Variants in KIAA1328 observed in about 807,000 individuals in gnomAD.
The protein encoded by KIAA1328 is protein hinderin.
KIAA1328 carries 52 observed loss-of-function variants against 68.1 expected under a neutral mutation model. That is an observed-to-expected ratio of 0.76 (90% CI 0.61 to 0.96). The LOEUF (loss-of-function observed/expected upper bound fraction) is 0.96. KIAA1328 is among the 40% of genes least tolerant of loss of function. The probability of loss-of-function intolerance (pLI) is 0.00; values close to 1 mark genes in which losing one functional copy is unlikely to be tolerated. For synonymous variants in KIAA1328, 232 were observed against 239.4 expected (o/e 0.97, Z 0.28); for missense variants, 641 against 677.6 (o/e 0.95, Z 0.60).
intron 7 of KIAA1328, among the ~76,000 whole-genome samples, chr18:37,144,624 A>G (rs1374029227): frequency 2.0e-5 from 3 of 151,872 alleles, no homozygotes; most frequent in Non-Finnish European, 4.4e-5. Flanking sequence ...ACCTCGCCTG[A>G]CTCAGGTGGT....
chr18:36,968,411 G>C (rs570499002), intron 6 of KIAA1328, among the ~76,000 whole-genome samples: 1 of 152,064 alleles, frequency 6.6e-6, no homozygotes, highest in Non-Finnish European at 1.5e-5. Flanking sequence ...TAAAAATAAA[G>C]GGATGGAGAA....
chr18:37,057,213 A>G (rs970532557), intron 6 of KIAA1328, among the ~76,000 whole-genome samples: 3 of 152,270 alleles, frequency 2.0e-5, no homozygotes, highest in South Asian at 2.1e-4. Context: ...ATGCCTATTC[A>G]TAGGATTCTT....
intron 5 of KIAA1328, among the ~76,000 whole-genome samples, chr18:36,953,995 C>CTTTTTTTTTTTTTT (rs71168249): frequency 1.1e-4 from 13 of 113,542 alleles, no homozygotes; most frequent in Non-Finnish European, 2.1e-4. Context: ...CTGATTGTTT[C>CTTTTTTTTTTTTTT]TTTTTTTTTT....
chr18:37,178,961 T>G (rs760992906), intron 9 of KIAA1328, among the ~76,000 whole-genome samples: 1 of 152,202 alleles, frequency 6.6e-6, no homozygotes, highest in South Asian at 2.1e-4. Flanking sequence ...GTTCCTTATA[T>G]ATTTTGCATA....
intron 6 of KIAA1328, among the ~76,000 whole-genome samples, chr18:37,007,866 A>G (rs1247737509): frequency 6.6e-6 from 1 of 152,228 alleles, no homozygotes. Context: ...AAAAGCAGTC[A>G]GATGGTGGTG....
intron 4 of KIAA1328, among the ~76,000 whole-genome samples, chr18:36,863,145 G>GA (rs1242491890): frequency 6.6e-6 from 1 of 151,730 alleles, no homozygotes; most frequent in Admixed American, 6.6e-5. Context: ...ATTTTTCCTA[G>GA]AATAAAAGTT....
chr18:37,087,664 C>G (rs561491265), intron 7 of KIAA1328, among the ~76,000 whole-genome samples: 1 of 152,178 alleles, frequency 6.6e-6, no homozygotes, highest in Non-Finnish European at 1.5e-5. Context: ...ATCAGGTAGG[C>G]ACGCTGGGGA....
In KIAA1328 at chr18:37,093,131, T is replaced by C. The variant is rs559722415; in HGVS notation, c.1232+25586T>C. Among the ~76,000 whole-genome samples, 39 of 152,266 alleles carry C rather than the reference T, an allele frequency of 2.6e-4. 1 individual carries two copies. The South Asian group carries it at 7.9e-3, about 31-fold the overall frequency. On this transcript the variant is annotated intron_variant, in intron 7 of 9. Coordinates refer to ENST00000280020, the MANE Select transcript of KIAA1328 (RefSeq NM_020776.3). ...CACCCTACTCAGCCAACACTATAAATATATTTATAGAAAAAACCCTTTTCT... is the reference window on the plus strand; with the variant it reads ...CACCCTACTCAGCCAACACTATAAACATATTTATAGAAAAAACCCTTTTCT...
chr18:37,076,366 C>G (rs954491522), intron 7 of KIAA1328, among the ~76,000 whole-genome samples: 1 of 151,802 alleles, frequency 6.6e-6, no homozygotes, highest in Non-Finnish European at 1.5e-5. Context: ...CACTAAATGC[C>G]CACAAGAGAA....
downstream of KIAA1328, among the ~76,000 whole-genome samples, chr18:37,227,586 A>T (rs1166146682): frequency 1.3e-5 from 2 of 152,278 alleles, no homozygotes; most frequent in African/African-American, 4.8e-5. Context: ...CAAAGCTTGC[A>T]TAGCAGCACA....
chr18:37,029,529 A>AT (rs2054736747), intron 6 of KIAA1328, among the ~76,000 whole-genome samples: 1 of 152,112 alleles, frequency 6.6e-6, no homozygotes, highest in African/African-American at 2.4e-5. Flanking sequence ...AAGCACCACC[A>AT]TGAGTGGCTA....
intron 6 of KIAA1328, among the ~76,000 whole-genome samples, chr18:36,978,410 G>A (rs1287631149): frequency 6.6e-6 from 1 of 152,186 alleles, no homozygotes. Context: ...TATCAGTTAC[G>A]AATTGGTGGA....
chr18:36,933,589 C>T (rs1282427762), intron 5 of KIAA1328, among the ~76,000 whole-genome samples: 2 of 152,258 alleles, frequency 1.3e-5, no homozygotes, highest in Admixed American at 6.5e-5. Context: ...CAGCTTGGCA[C>T]TTCTGAGCTG....
At chr18:36,990,945 T>A (rs1307172316) in intron 6 of KIAA1328, among the ~76,000 whole-genome samples, 1 of 152,172 alleles carries the variant, frequency 6.6e-6, no homozygotes, top group Admixed American at 6.6e-5. Context: ...TCAATTGAGA[T>A]AGCTGTTTGT....
chr18:37,169,947 G>A (rs1436778980), intron 8 of KIAA1328, among the ~76,000 whole-genome samples: 1 of 152,182 alleles, frequency 6.6e-6, no homozygotes, highest in Non-Finnish European at 1.5e-5. Context: ...CAGGTATTCT[G>A]TGATAGTGAC....
chr18:36,882,931 A>G (rs1428494556), intron 4 of KIAA1328, among the ~76,000 whole-genome samples: 1 of 152,174 alleles, frequency 6.6e-6, no homozygotes, highest in East Asian at 1.9e-4. Context: ...ATATCTACAT[A>G]TGGCTTTTAT....
chr18:37,062,857 G>A (rs1185355795), intron 6 of KIAA1328, among the ~76,000 whole-genome samples: 1 of 152,146 alleles, frequency 6.6e-6, no homozygotes, highest in African/African-American at 2.4e-5. Flanking sequence ...TTTGAGTAAT[G>A]TGCTGTATTA....
intron 7 of KIAA1328, among the ~76,000 whole-genome samples, chr18:37,153,400 T>A (rs979220571): frequency 3.3e-5 from 5 of 152,096 alleles, no homozygotes; most frequent in Admixed American, 3.3e-4. Flanking sequence ...TGGCAGCCAG[T>A]TTTTTTCATT....
intron 6 of KIAA1328, among the ~76,000 whole-genome samples, chr18:37,048,540 T>C (rs2055567474): frequency 6.6e-6 from 1 of 152,332 alleles, no homozygotes; most frequent in African/African-American, 2.4e-5. Flanking sequence ...AGTCATCCAA[T>C]ACAATCTCTA....
Sources: allele counts gnomAD v4.1 joint callset (sites outside exome capture counted in the v4.1 genomes callset), GRCh38; gene constraint gnomAD v4.1.1; transcripts MANE v1.5; gene names NCBI Gene and HGNC (gene_info 2026-07-23, HGNC 2026-07-21).